TRAIP: variants seen among roughly 807,000 people sequenced by gnomAD.
TRAIP encodes the protein E3 ubiquitin-protein ligase TRAIP.
TRAIP carries 37 observed loss-of-function variants against 65.0 expected under a neutral mutation model. That is an observed-to-expected ratio of 0.57 (90% CI 0.44 to 0.75). TRAIP has a LOEUF of 0.75. Ranked by LOEUF, TRAIP falls within the 30% of genes least tolerant of loss-of-function variation. The pLI, the probability that TRAIP is intolerant of heterozygous loss-of-function variation, is 0.00. For missense variants in TRAIP, 481 were observed against 579.4 expected (o/e 0.83, Z 1.74); for synonymous variants, 187 against 219.1 (o/e 0.85, Z 1.29).
At chr3:49,834,601 A>G (rs1181766247) in intron 10 of TRAIP, among the ~76,000 whole-genome samples, 1 of 152,192 alleles carries the variant, frequency 6.6e-6, no homozygotes, top group Non-Finnish European at 1.5e-5. Context: ...GACACTAAAC[A>G]AACTATGTAC....
At chr3:49,851,379 T>C (rs2081929400) in intron 1 of TRAIP, among the ~76,000 whole-genome samples, 6 of 152,142 alleles carry the variant, frequency 3.9e-5, no homozygotes, top group Admixed American at 3.9e-4. Context: ...AACTATATTA[T>C]ACTTCAATTT....
chr3:49,832,446 C>T (rs1020157089), intron 10 of TRAIP, among the ~76,000 whole-genome samples: 25 of 149,254 alleles, frequency 1.7e-4, no homozygotes, highest in Admixed American at 1.4e-3. Flanking sequence ...GCCGAGATCG[C>T]GCCACTGCAC....
chr3:49,832,426 C>A (rs1002264041), intron 10 of TRAIP, among the ~76,000 whole-genome samples: 4 of 148,912 alleles, frequency 2.7e-5, no homozygotes, highest in Admixed American at 2.0e-4. Flanking sequence ...GGAGGCAGAG[C>A]TTGCGGTGAG....
chr3:49,829,542 T>G, intron 13 of TRAIP, 34 bp from the exon 14 acceptor site: 1 of 1,614,124 alleles, frequency 6.2e-7, no homozygotes, highest in Non-Finnish European at 8.5e-7. Flanking sequence ...TGGGCCAGGC[T>G]AATGGGCTGG....
intron 10 of TRAIP, among the ~76,000 whole-genome samples, chr3:49,833,669 T>C (rs1225460617): frequency 1.3e-5 from 2 of 151,988 alleles, no homozygotes; most frequent in African/African-American, 2.4e-5. Flanking sequence ...TTAGTAGAGA[T>C]GGGGTTACAC....
intron 8 of TRAIP, 62 bp downstream of exon 8, chr3:49,840,923 C>T: frequency 1.3e-6 from 2 of 1,502,994 alleles, no homozygotes; most frequent in Non-Finnish European, 1.9e-6. Context: ...CTCAGGAGAC[C>T]AGAGTGAACA....
At chr3:49,849,932 C>T (rs895176319) in intron 1 of TRAIP, among the ~76,000 whole-genome samples, 2 of 142,692 alleles carry the variant, frequency 1.4e-5, no homozygotes, top group South Asian at 2.2e-4. Context: ...CTGCAACCTT[C>T]GCCTCCCAGG....
chr3:49,853,980 G>A (rs1444801403), intron 1 of TRAIP, among the ~76,000 whole-genome samples: 1 of 150,544 alleles, frequency 6.6e-6, no homozygotes, highest in Non-Finnish European at 1.5e-5. Context: ...GACACAGCAC[G>A]ATCCTGTTTC....
chr3:49,847,024 C>T (rs1432411068), intron 3 of TRAIP, among the ~76,000 whole-genome samples: 9 of 151,866 alleles, frequency 5.9e-5, no homozygotes, highest in African/African-American at 1.9e-4. Flanking sequence ...GTACTAAAAA[C>T]ACAAAACTAG....
At chr3:49,854,819 G>A (rs1055984553) in intron 1 of TRAIP, among the ~76,000 whole-genome samples, 1 of 152,094 alleles carries the variant, frequency 6.6e-6, no homozygotes, top group African/African-American at 2.4e-5. Context: ...CACTTTGGGA[G>A]GCAGAGGTGG....
chr3:49,838,896 AG>A (rs2081811591), intron 10 of TRAIP, among the ~76,000 whole-genome samples: 1 of 149,194 alleles, frequency 6.7e-6, no homozygotes, highest in Non-Finnish European at 1.5e-5. Context: ...AAAAAAAAAA[AG>A]ATTAAAGACT....
chr3:49,834,079 C>T (rs1452644974), intron 10 of TRAIP, among the ~76,000 whole-genome samples: 1 of 152,308 alleles, frequency 6.6e-6, no homozygotes, highest in East Asian at 1.9e-4. Flanking sequence ...CCTTGAGCAG[C>T]CCATTGCCTG....
chr3:49,830,402 C>G (rs1036939378), intron 11 of TRAIP, among the ~76,000 whole-genome samples: 2 of 152,230 alleles, frequency 1.3e-5, no homozygotes, highest in Admixed American at 6.5e-5. Context: ...AGAGCCCAAT[C>G]AACTCACCAC....
chr3:49,856,445 G>A lies in TRAIP; in HGVS notation c.9C>T (p.Ile3=). The change falls in exon 1 of 15, where the codon ATC becomes ATT. Residue 3 remains isoleucine, a synonymous_variant. Coordinates refer to ENST00000331456, the MANE Select transcript of TRAIP (RefSeq NM_005879.3). ...CGGAGCAGATAGTGCACAGAGCACG[G>A]ATAGGCATGATGGCTGGACTCAAGG... is the stretch of plus-strand genomic sequence containing the variant. MP[I]RALCTICSDF... The A allele has an allele frequency of 6.2e-7, 1 of 1,613,878 alleles. No individual in the cohort carries two copies. The highest frequency in any genetic ancestry group is 8.5e-7 in the Non-Finnish European group (1 of 1,179,870).
chr3:49,836,126 C>T (rs2081784824), intron 10 of TRAIP, among the ~76,000 whole-genome samples: 1 of 151,766 alleles, frequency 6.6e-6, no homozygotes, highest in Non-Finnish European at 1.5e-5. Context: ...CCACACCTGG[C>T]TAATTTTTGT....
At chr3:49,843,768 T>C (rs1379314187) in intron 5 of TRAIP, 33 bp downstream of exon 5, 2 of 1,598,350 alleles carry the variant, frequency 1.3e-6, no homozygotes, top group Admixed American at 1.7e-5. Context: ...TACCTCCCTA[T>C]GAATTCTGTA....
Position 49,856,488 on chromosome 3 carries a change from A to G in TRAIP, c.-35T>C. The G allele has an allele frequency of 6.3e-7, 1 of 1,592,756 alleles. No individual in the cohort carries two copies. Among genetic ancestry groups the G allele is most frequent in the Middle Eastern group, 1.7e-4 (1 of 6,006 alleles). On this transcript the variant is annotated 5_prime_UTR_variant, in exon 1 of 15. Coordinates refer to ENST00000331456, the MANE Select transcript of TRAIP (RefSeq NM_005879.3). Reference sequence around the variant, plus strand: ...ACTCAAGGGGCCCAGGCAGCCAAAGAAACTGCTACAGGTCCGGCTTCGTAG... The same window carrying G: ...ACTCAAGGGGCCCAGGCAGCCAAAGGAACTGCTACAGGTCCGGCTTCGTAG...
chr3:49,831,948 A>G lies in TRAIP; in HGVS notation c.1005T>C (p.Gly335=), dbSNP rs1194065159. Residue 335 remains glycine (G), a synonymous_variant, in exon 11 of 15, where the codon GGT becomes GGC. Coordinates refer to ENST00000331456, the MANE Select transcript of TRAIP (RefSeq NM_005879.3). The part of the protein sequence containing the change: ...PPARPSSSQH[G]YYEKLCLEKS... Reference sequence around the variant, plus strand: ...TCTCTAGGCAAAGTTTTTCGTAGTAACCATGCTGGGAGCTGGAGGGCCGGG... The same window carrying G: ...TCTCTAGGCAAAGTTTTTCGTAGTAGCCATGCTGGGAGCTGGAGGGCCGGG... 6.3e-7 allele frequency: 1 copy of G among 1,597,432 alleles called. No individual in the cohort carries two copies. The highest frequency in any genetic ancestry group is 2.3e-5 in the East Asian group (1 of 43,536).
In TRAIP at chr3:49,840,270, G is replaced by A; in HGVS notation, c.795+14C>T. 1 of 1,612,786 alleles carries A rather than the reference G, an allele frequency of 6.2e-7. No homozygotes were observed. The highest frequency in any genetic ancestry group is 8.5e-7 in the Non-Finnish European group (1 of 1,178,766). ...ACCACCCCTCATTCCTGTCAAGCCA[G>A]GGATGTCCCTCACCATGATTTCCTT... On this transcript the variant is annotated intron_variant, in intron 9 of 14. Transcript: ENST00000331456.
Sources: gnomAD v4.1 joint callset for allele counts (sites outside exome capture counted in the v4.1 genomes callset) on GRCh38, gnomAD v4.1.1 for gene constraint, MANE v1.5 for transcripts, NCBI Gene and HGNC (gene_info 2026-07-23, HGNC 2026-07-21) for gene names.